ZNF407: variants seen among roughly 807,000 people sequenced by gnomAD.
ZNF407 encodes zinc finger protein 407.
ZNF407 carries 17 observed loss-of-function variants against 131.2 expected under a neutral mutation model. That is an observed-to-expected ratio of 0.13 (90% CI 0.09 to 0.19). The LOEUF is 0.19. Ranked by LOEUF, ZNF407 falls within the 10% of genes least tolerant of loss-of-function variation. ZNF407 has a pLI of 1.00. For missense variants in ZNF407, 2,681 were observed against 2,830.6 expected, an observed-to-expected ratio of 0.95 and a Z score of 1.20; for synonymous variants, 1,156 against 1,062.0, an observed-to-expected ratio of 1.09 and a Z score of -1.72.
At chr18:74,676,654 T>C (rs1253581509) in intron 3 of ZNF407, among the ~76,000 whole-genome samples, 3 of 151,846 alleles carry the variant, frequency 2.0e-5, no homozygotes, top group Non-Finnish European at 4.4e-5. Context: ...CAGGATGGTC[T>C]CGATCTCCTG....
At chr18:74,977,958 T>C (rs1263455788) in intron 8 of ZNF407, among the ~76,000 whole-genome samples, 2 of 152,230 alleles carry the variant, frequency 1.3e-5, no homozygotes, top group Non-Finnish European at 2.9e-5. Flanking sequence ...ATTTGCAATA[T>C]TACAAATGTT....
chr18:74,877,238 A>G lies in ZNF407; in HGVS notation c.4919A>G (p.Lys1640Arg). 1 of 1,614,042 alleles carries G rather than the reference A, an allele frequency of 6.2e-7. No homozygotes were observed. Among genetic ancestry groups the G allele is most frequent in the Non-Finnish European group, 8.5e-7 (1 of 1,179,894 alleles). Residue 1640 changes from lysine to arginine, a missense_variant, in exon 5 of 9, where the codon AAG (lysine) becomes AGG (arginine). Coordinates refer to ENST00000299687, the MANE Select transcript of ZNF407 (RefSeq NM_017757.3). ...TTATGTGATAGAAGTTTCACAGAGA[A>G]GTGGGCCCTGAACAACCACATGAAA... Reference protein sequence around the residue: ...CHLCDRSFTEKWALNNHMKLH... With the variant: ...CHLCDRSFTERWALNNHMKLH...
At chr18:74,650,284 A>G (rs1985167294) in intron 3 of ZNF407, among the ~76,000 whole-genome samples, 1 of 152,124 alleles carries the variant, frequency 6.6e-6, no homozygotes. Context: ...CTGATGGACT[A>G]TATGGTCTCT....
chr18:74,774,010 G>A (rs1366634560), intron 3 of ZNF407, among the ~76,000 whole-genome samples: 1 of 152,162 alleles, frequency 6.6e-6, no homozygotes, highest in East Asian at 1.9e-4. Flanking sequence ...AGAAAATAAG[G>A]AAGAACCCAA....
At chr18:74,674,206 C>G (rs578777) in intron 3 of ZNF407, among the ~76,000 whole-genome samples, 1 of 152,162 alleles carries the variant, frequency 6.6e-6, no homozygotes, top group African/African-American at 2.4e-5. Context: ...CTTTCTCAGG[C>G]CTTTGCCTGC....
intron 2 of ZNF407, 49 bp from the exon 3 acceptor site, chr18:74,640,959 G>A (rs764995194): frequency 3.0e-6 from 4 of 1,348,978 alleles, no homozygotes; most frequent in East Asian, 4.6e-5. Flanking sequence ...TAAGCTATTG[G>A]TGATGTATTA....
At chr18:74,694,368 A>G (rs1455870430) in intron 3 of ZNF407, among the ~76,000 whole-genome samples, 1 of 151,958 alleles carries the variant, frequency 6.6e-6, no homozygotes, top group Non-Finnish European at 1.5e-5. Flanking sequence ...CTTGAAGATC[A>G]CTTTATTTGA....
intron 3 of ZNF407, among the ~76,000 whole-genome samples, chr18:74,699,722 G>A (rs1488201004): frequency 6.6e-6 from 1 of 152,050 alleles, no homozygotes; most frequent in Non-Finnish European, 1.5e-5. Flanking sequence ...ATAGGTTTAT[G>A]TTGAATCGTT....
At chr18:75,019,003 A>G (rs1007905122) in intron 8 of ZNF407, among the ~76,000 whole-genome samples, 1 of 152,162 alleles carries the variant, frequency 6.6e-6, no homozygotes, top group African/African-American at 2.4e-5. Context: ...AACACAGGGA[A>G]TAGAATAATC....
chr18:74,616,117 C>T (rs913564968), intron 1 of ZNF407, among the ~76,000 whole-genome samples: 9 of 152,288 alleles, frequency 5.9e-5, no homozygotes, highest in Non-Finnish European at 1.2e-4. Flanking sequence ...GTGAATTCAG[C>T]ATACATTAAC....
intron 4 of ZNF407, among the ~76,000 whole-genome samples, chr18:74,872,443 GAT>G (rs1272433342): frequency 6.6e-6 from 1 of 151,914 alleles, no homozygotes; most frequent in Non-Finnish European, 1.5e-5. Context: ...CAACCTGACG[GAT>G]ATTTAAGATT....
chr18:74,969,471 G>T (rs1486603550), intron 8 of ZNF407, among the ~76,000 whole-genome samples: 1 of 152,114 alleles, frequency 6.6e-6, no homozygotes, highest in African/African-American at 2.4e-5. Context: ...TTCCAGTGGT[G>T]GTTTAATTTT....
chr18:74,769,396 C>CTTTTTTTTTTTTTTTTTTTTTTTTTTTT (rs1568207282), intron 3 of ZNF407, among the ~76,000 whole-genome samples: 2 of 151,234 alleles, frequency 1.3e-5, no homozygotes, highest in African/African-American at 4.9e-5. Flanking sequence ...GCAAAGGGTT[C>CTTTTTTTTTTTTTTTTTTTTTTTTTTTT]TTTACAGAGC....
At chr18:74,799,471 G>A (rs1052360071) in intron 4 of ZNF407, among the ~76,000 whole-genome samples, 1 of 151,866 alleles carries the variant, frequency 6.6e-6, no homozygotes, top group African/African-American at 2.4e-5. Flanking sequence ...CTGATTTCTA[G>A]CACTTCAGGT....
chr18:74,637,712 T>A (rs1327711872), intron 2 of ZNF407, among the ~76,000 whole-genome samples: 1 of 152,200 alleles, frequency 6.6e-6, no homozygotes, highest in Non-Finnish European at 1.5e-5. Context: ...CATACTTTGC[T>A]TATGTCCATA....
chr18:74,613,991 C>T (rs571508028), intron 1 of ZNF407, among the ~76,000 whole-genome samples: 25 of 152,222 alleles, frequency 1.6e-4, no homozygotes, highest in African/African-American at 5.5e-4. Flanking sequence ...AAACAACAGA[C>T]TTTTTCTTTG....
chr18:74,713,558 A>G (rs1967820813), intron 3 of ZNF407, among the ~76,000 whole-genome samples: 1 of 152,094 alleles, frequency 6.6e-6, no homozygotes, highest in Non-Finnish European at 1.5e-5. Flanking sequence ...AAGCTTGGCC[A>G]GTTTGTTTTG....
At chr18:74,647,552 A>G (rs1231660249) in intron 3 of ZNF407, among the ~76,000 whole-genome samples, 1 of 150,776 alleles carries the variant, frequency 6.6e-6, no homozygotes, top group Non-Finnish European at 1.5e-5. Context: ...CCTGTTCCGT[A>G]TTTTTTTTTC....
intron 1 of ZNF407, among the ~76,000 whole-genome samples, chr18:74,618,941 G>A (rs1236973502): frequency 1.3e-5 from 2 of 152,050 alleles, no homozygotes; most frequent in Non-Finnish European, 2.9e-5. Flanking sequence ...TAGCTTATTG[G>A]CATATAGAAT....
Sources: allele counts gnomAD v4.1 joint callset (sites outside exome capture counted in the v4.1 genomes callset), GRCh38; gene constraint gnomAD v4.1.1; transcripts MANE v1.5; gene names NCBI Gene and HGNC (gene_info 2026-07-23, HGNC 2026-07-21).